ZNF385B: variants seen among roughly 807,000 people sequenced by gnomAD.
ZNF385B encodes zinc finger protein 385B, also known as zinc finger protein 533.
Under a neutral mutation model 39.2 loss-of-function variants are expected in ZNF385B, and 23 were observed. The ratio of observed to expected loss-of-function variants is 0.59; its 90% CI spans 0.42 to 0.83. The LOEUF is 0.83. ZNF385B is among the 40% of genes least tolerant of loss of function. The pLI is 0.00. For synonymous variants in ZNF385B, 205 were observed against 222.6 expected (o/e 0.92, Z 0.70); for missense variants, 552 against 598.9 (o/e 0.92, Z 0.82).
chr2:179,517,587 A>G (rs1441619551), intron 5 of ZNF385B, among the ~76,000 whole-genome samples: 1 of 152,098 alleles, frequency 6.6e-6, no homozygotes, highest in African/African-American at 2.4e-5. Context: ...TATGCAAACA[A>G]GAGAGATTAT....
intron 3 of ZNF385B, among the ~76,000 whole-genome samples, chr2:179,759,731 T>C (rs1210968158): frequency 6.6e-6 from 1 of 152,180 alleles, no homozygotes; most frequent in Non-Finnish European, 1.5e-5. Context: ...CTACGTTACA[T>C]GTAGATCTGT....
At position 179,861,365 on chromosome 2, in the gene ZNF385B, C is replaced by G. The variant is rs1019109225; in HGVS notation, c.-419G>C. ...CGGGCTTAAGCGCCCGGCCGCTGCC[C>G]CCGCGCTGAGCGCCTGCGCACCGGG... is the stretch of plus-strand genomic sequence containing the variant. On this transcript the variant is annotated 5_prime_UTR_variant, in exon 1 of 10. Transcript: ENST00000410066. 123 of 150,330 alleles carry G rather than the reference C, an allele frequency of 8.2e-4. No homozygotes were observed. Among genetic ancestry groups the G allele is most frequent in the African/African-American group, 2.8e-3 (116 of 41,272 alleles). The allele number at this position is 150,330 out of a possible 1,614,324, so 9.3% of individuals were successfully genotyped here.
chr2:179,542,221 A>C (rs987396536), intron 4 of ZNF385B, among the ~76,000 whole-genome samples: 5 of 152,196 alleles, frequency 3.3e-5, no homozygotes, highest in African/African-American at 1.2e-4. Flanking sequence ...TGCAACTCAC[A>C]GGGAAAAATC....
chr2:179,566,179 C>T (rs975947993), intron 3 of ZNF385B, among the ~76,000 whole-genome samples: 3 of 152,184 alleles, frequency 2.0e-5, no homozygotes, highest in Non-Finnish European at 4.4e-5. Context: ...TCAAAGAGTA[C>T]ATGGATTATG....
At position 179,772,616 on chromosome 2, in the gene ZNF385B, T is replaced by C. The variant is rs577514391; in HGVS notation, c.-154-1944A>G. 2.6e-5 allele frequency among the ~76,000 whole-genome samples: 4 copies of C among 152,344 alleles called. No individual in the cohort carries two copies. The South Asian group carries it at 6.2e-4, about 24-fold the overall frequency. On this transcript the variant is annotated intron_variant, in intron 1 of 9. Coordinates refer to ENST00000410066, the MANE Select transcript of ZNF385B (RefSeq NM_152520.6). ...CCACTTTTGGCCTGAGATGATATAA[T>C]TTCTAGGCTTATAATATGTGTGAAT...
chr2:179,670,291 CAAA>C (rs35600247), intron 3 of ZNF385B, among the ~76,000 whole-genome samples: 1 of 100,598 alleles, frequency 9.9e-6, no homozygotes. Flanking sequence ...GACTCCGTCT[CAAA>C]AAAAAAAAAA....
At chr2:179,484,103 A>G (rs767429993) in intron 5 of ZNF385B, among the ~76,000 whole-genome samples, 3 of 152,194 alleles carry the variant, frequency 2.0e-5, no homozygotes, top group Non-Finnish European at 4.4e-5. Flanking sequence ...TCATTTATAC[A>G]CAAAGCATAT....
At chr2:179,807,353 T>C (rs2106561595) in intron 1 of ZNF385B, among the ~76,000 whole-genome samples, 1 of 152,314 alleles carries the variant, frequency 6.6e-6, no homozygotes, top group South Asian at 2.1e-4. Flanking sequence ...ATCCCAGCAC[T>C]TTGGGAGGCC....
At chr2:179,658,863 C>T (rs200993214) in intron 3 of ZNF385B, among the ~76,000 whole-genome samples, 1 of 152,146 alleles carries the variant, frequency 6.6e-6, no homozygotes, top group Admixed American at 6.5e-5. Flanking sequence ...CCGCAACTTT[C>T]GCCTCCCCGC....
chr2:179,859,527 G>A (rs942752617), intron 1 of ZNF385B, among the ~76,000 whole-genome samples: 2 of 152,088 alleles, frequency 1.3e-5, no homozygotes, highest in African/African-American at 4.8e-5. Context: ...CCTTTGTTAG[G>A]AGAATTCACC....
chr2:179,839,075 C>A (rs745820229), intron 1 of ZNF385B, among the ~76,000 whole-genome samples: 3 of 152,170 alleles, frequency 2.0e-5, no homozygotes, highest in African/African-American at 7.2e-5. Context: ...AATCTGAATT[C>A]TTTCTGGAGA....
At chr2:179,463,538 G>A (rs1385809383) in intron 6 of ZNF385B, among the ~76,000 whole-genome samples, 2 of 151,418 alleles carry the variant, frequency 1.3e-5, no homozygotes, top group Non-Finnish European at 2.9e-5. Context: ...AGAGTGTGAT[G>A]TTCCCCGCCC....
At chr2:179,769,995 G>T (rs1215722145) in intron 2 of ZNF385B, among the ~76,000 whole-genome samples, 193 bp from the exon 3 acceptor site, 2 of 152,112 alleles carry the variant, frequency 1.3e-5, no homozygotes, top group Non-Finnish European at 2.9e-5. Flanking sequence ...CCTTGTGCCT[G>T]GGGGTTTTTG....
chr2:179,601,953 G>A (rs1452234474), intron 3 of ZNF385B, among the ~76,000 whole-genome samples: 1 of 152,108 alleles, frequency 6.6e-6, no homozygotes, highest in Non-Finnish European at 1.5e-5. Context: ...AAAGATTTTA[G>A]GGGCAGAATT....
intron 6 of ZNF385B, among the ~76,000 whole-genome samples, chr2:179,459,233 G>A (rs2037242): frequency 0.12 from 18,181 of 151,918 alleles, 1,430 homozygotes; most frequent in East Asian, 0.33. Flanking sequence ...TGTATGTCTT[G>A]GTTTATTAAG....
chr2:179,635,120 C>A (rs1420958680), intron 3 of ZNF385B, among the ~76,000 whole-genome samples: 4 of 149,194 alleles, frequency 2.7e-5, no homozygotes, highest in Non-Finnish European at 4.4e-5. Flanking sequence ...CCAGCCTGGG[C>A]AACAGAGCGA....
chr2:179,765,461 C>G (rs1339759908), intron 3 of ZNF385B, among the ~76,000 whole-genome samples: 1 of 152,130 alleles, frequency 6.6e-6, no homozygotes. Flanking sequence ...GTGTTTATGG[C>G]CTGGCTGTCA....
intron 4 of ZNF385B, among the ~76,000 whole-genome samples, chr2:179,533,529 A>G (rs2059384157): frequency 6.6e-6 from 1 of 152,172 alleles, no homozygotes; most frequent in African/African-American, 2.4e-5. Context: ...CGAACTTACA[A>G]TTAGACGCCA....
chr2:179,478,412 G>T (rs1458698871), intron 6 of ZNF385B, among the ~76,000 whole-genome samples: 1 of 152,188 alleles, frequency 6.6e-6, no homozygotes, highest in Non-Finnish European at 1.5e-5. Context: ...ACAAACAATG[G>T]ATACTAATTT....
Sources: gnomAD v4.1 joint callset for allele counts (sites outside exome capture counted in the v4.1 genomes callset) on GRCh38, gnomAD v4.1.1 for gene constraint, MANE v1.5 for transcripts, NCBI Gene and HGNC (gene_info 2026-07-23, HGNC 2026-07-21) for gene names.